The following SCAPER variants were observed in gnomAD, a reference collection of about 807,000 sequenced individuals.
The protein encoded by SCAPER is S phase cyclin A-associated protein in the endoplasmic reticulum.
Under a neutral mutation model 182.2 loss-of-function variants are expected in SCAPER, and 98 were observed. That is an observed-to-expected ratio of 0.54 (90% CI 0.46 to 0.64). SCAPER has a LOEUF of 0.64. Ranked by LOEUF, SCAPER falls within the 30% of genes least tolerant of loss-of-function variation. The pLI, the probability that SCAPER is intolerant of heterozygous loss-of-function variation, is 0.00. For synonymous variants in SCAPER, 605 were observed against 564.6 expected (o/e 1.07, Z -1.01); for missense variants, 1,432 against 1,690.0 (o/e 0.85, Z 2.68).
Position 76,528,522 on chromosome 15 carries a change from T to A in SCAPER, c.2839-23548A>T, listed in dbSNP as rs1450025074. 2.0e-5 allele frequency among the ~76,000 whole-genome samples: 3 copies of A among 152,326 alleles called. No individual in the cohort carries two copies. The East Asian group carries it at 5.8e-4, about 29-fold the overall frequency. ...TGGCACCACCATCCATACTCCATTT[T>A]TAGCTTCTTCCTTTTCCTTACTCTT... On this transcript the variant is annotated intron_variant, in intron 23 of 31. Transcript: ENST00000563290.
At chr15:76,737,687 C>A (rs1248912179) in intron 15 of SCAPER, among the ~76,000 whole-genome samples, 2 of 152,206 alleles carry the variant, frequency 1.3e-5, no homozygotes, top group South Asian at 2.1e-4. Flanking sequence ...AGAGAAGGTT[C>A]TTTCATCTGC....
At position 76,494,307 on chromosome 15, in the gene SCAPER, C is replaced by T. The variant is rs2060414; in HGVS notation, c.2954+10552G>A. ...ATTGCTGGATCTTACGTGAACATTT[C>T]GTCTCACACATACAAACAGCTACAT... On this transcript the variant is annotated intron_variant, in intron 24 of 31. Transcript: ENST00000563290. Among the ~76,000 whole-genome samples the T allele has an allele frequency of 4.9e-3, 745 of 152,296 alleles. 26 individuals are homozygous for T. The highest frequency in any genetic ancestry group is 0.038 in the Admixed American group (588 of 15,298).
intron 1 of SCAPER, among the ~76,000 whole-genome samples, chr15:76,894,293 T>C (rs1353413634): frequency 1.3e-5 from 2 of 151,408 alleles, no homozygotes; most frequent in African/African-American, 4.8e-5. Context: ...TCACATGATG[T>C]GAACACCTGT....
chr15:76,380,539 T>C (rs1189918872), intron 28 of SCAPER: 1 of 152,224 alleles, frequency 6.6e-6, no homozygotes, highest in Non-Finnish European at 1.5e-5. Context: ...ACTATTTTCA[T>C]ACATTTGTTT....
chr15:76,617,519 A>G (rs903693232), intron 22 of SCAPER, among the ~76,000 whole-genome samples: 2 of 152,212 alleles, frequency 1.3e-5, no homozygotes, highest in African/African-American at 4.8e-5. Context: ...CTCACCTAAC[A>G]TAACCAGCTA....
intron 24 of SCAPER, among the ~76,000 whole-genome samples, chr15:76,485,516 C>G (rs1167460796): frequency 6.6e-6 from 1 of 152,066 alleles, no homozygotes; most frequent in Non-Finnish European, 1.5e-5. Context: ...GCATTCTTCA[C>G]AGAACTACAA....
chr15:76,601,644 T>C (rs2049939491), intron 22 of SCAPER, among the ~76,000 whole-genome samples: 1 of 122,014 alleles, frequency 8.2e-6, no homozygotes, highest in African/African-American at 2.5e-5. Context: ...TTAAGTGATG[T>C]ATGACTGTAT....
intron 21 of SCAPER, among the ~76,000 whole-genome samples, chr15:76,630,493 G>A (rs925814972): frequency 2.6e-5 from 4 of 152,064 alleles, no homozygotes; most frequent in South Asian, 2.1e-4. Context: ...ATTCTGGCAC[G>A]TTGTCTCTTT....
chr15:76,439,491 G>T (rs1345741394), intron 25 of SCAPER, among the ~76,000 whole-genome samples: 1 of 152,218 alleles, frequency 6.6e-6, no homozygotes, highest in East Asian at 1.9e-4. Flanking sequence ...AGGTAAAATA[G>T]CTCACTTGTG....
intron 5 of SCAPER, among the ~76,000 whole-genome samples, chr15:76,822,344 AAAAG>A (rs775441975): frequency 6.6e-6 from 1 of 152,258 alleles, no homozygotes; most frequent in Non-Finnish European, 1.5e-5. Context: ...AGTCATAAAA[AAAAG>A]AAAGAAAAAG....
chr15:76,637,740 ATATGTGTGTGTGTGTGTG>A lies in SCAPER; in HGVS notation c.2646-15929_2646-15912del, dbSNP rs1304536077. 1.0e-3 allele frequency among the ~76,000 whole-genome samples: 33 copies of A among 31,932 alleles called. 1 individual carries two copies. Among genetic ancestry groups the A allele is most frequent in the Admixed American group, 1.2e-3 (2 of 1,636 alleles). 20.9% of individuals were successfully genotyped at this position (31,932 alleles called of 152,430 possible). On this transcript the variant is annotated intron_variant, in intron 21 of 31. Coordinates refer to ENST00000563290, the MANE Select transcript of SCAPER (RefSeq NM_020843.4). ...TATGTGATTATATATATATATATAT[ATATGTGTGTGTGTGTGTG>A]TGTGTGTGTGTGTGTGTGTGTGTGT...
intron 27 of SCAPER, 137 bp from the exon 28 acceptor site, chr15:76,381,752 C>T (rs2042957244): frequency 1.4e-6 from 1 of 706,904 alleles, no homozygotes; most frequent in East Asian, 2.7e-5. Context: ...CAAGAAACTT[C>T]AAGGAATAAA....
At chr15:76,626,173 CA>C in intron 21 of SCAPER, among the ~76,000 whole-genome samples, 1 of 151,998 alleles carries the variant, frequency 6.6e-6, no homozygotes, top group Non-Finnish European at 1.5e-5. Flanking sequence ...ATGATCTGTT[CA>C]AAGCGTGATT....
intron 17 of SCAPER, among the ~76,000 whole-genome samples, chr15:76,717,742 G>A (rs1403660338): frequency 3.3e-5 from 5 of 152,036 alleles, no homozygotes; most frequent in Non-Finnish European, 5.9e-5. Flanking sequence ...TCATCAATGG[G>A]ATGTAACAAT....
rs755530250 is a variant in SCAPER, at chr15:76,767,093, A to G, written c.1249-5T>C. On this transcript the variant is annotated splice_polypyrimidine_tract_variant and splice_region_variant and intron_variant, in intron 10 of 31. Coordinates refer to ENST00000563290, the MANE Select transcript of SCAPER (RefSeq NM_020843.4). ...AGCAAGGACTTCTGCCATGGACTAT[A>G]AAGTTAAAAACACATAAACAAAAAG... 54 of 1,564,948 alleles carry G rather than the reference A, an allele frequency of 3.5e-5. No homozygotes were observed. Among genetic ancestry groups the G allele is most frequent in the Non-Finnish European group, 4.7e-5 (54 of 1,157,004 alleles).
At chr15:76,561,294 T>G (rs557779791) in intron 23 of SCAPER, among the ~76,000 whole-genome samples, 1 of 152,198 alleles carries the variant, frequency 6.6e-6, no homozygotes, top group Non-Finnish European at 1.5e-5. Flanking sequence ...ATTAAATAAT[T>G]AATGGTCCTA....
At chr15:76,897,002 C>G (rs2074473676) in intron 1 of SCAPER, among the ~76,000 whole-genome samples, 1 of 152,014 alleles carries the variant, frequency 6.6e-6, no homozygotes, top group East Asian at 1.9e-4. Flanking sequence ...GACACAAATC[C>G]ATATCCCAAG....
chr15:76,895,993 T>C (rs1005557607), intron 1 of SCAPER, among the ~76,000 whole-genome samples: 12 of 151,344 alleles, frequency 7.9e-5, no homozygotes, highest in East Asian at 1.9e-4. Context: ...TGAGCTGAGA[T>C]TGCACCACTG....
chr15:76,455,497 C>T (rs1342122842), intron 25 of SCAPER, among the ~76,000 whole-genome samples: 2 of 151,968 alleles, frequency 1.3e-5, no homozygotes, highest in Non-Finnish European at 2.9e-5. Context: ...AGCTGGGTCT[C>T]GCTATGTTGC....
Sources: allele counts gnomAD v4.1 joint callset (sites outside exome capture counted in the v4.1 genomes callset), GRCh38; gene constraint gnomAD v4.1.1; transcripts MANE v1.5; gene names NCBI Gene and HGNC (gene_info 2026-07-23, HGNC 2026-07-21).